Variants in NTRK3 observed in about 807,000 individuals in gnomAD.
NTRK3 encodes the protein neurotrophic receptor tyrosine kinase 3.
NTRK3 carries 24 observed loss-of-function variants against 91.7 expected under a neutral mutation model. The ratio of observed to expected loss-of-function variants is 0.26; its 90% confidence interval spans 0.19 to 0.37. The LOEUF is 0.37. Ranked by LOEUF, NTRK3 falls within the 10% of genes least tolerant of loss-of-function variation. The pLI is 1.00. For missense variants in NTRK3, 880 were observed against 1,068.9 expected, an observed-to-expected ratio of 0.82 and a Z score of 2.46; for synonymous variants, 483 against 404.0, an observed-to-expected ratio of 1.20 and a Z score of -2.34.
intron 14 of NTRK3, among the ~76,000 whole-genome samples, chr15:87,986,860 T>C (rs1219929350): frequency 6.6e-6 from 1 of 152,248 alleles, no homozygotes; most frequent in Non-Finnish European, 1.5e-5. Context: ...TCTCTGCTGC[T>C]ACCACTAAAC....
At chr15:88,064,219 A>G (rs1245465144) in intron 13 of NTRK3, among the ~76,000 whole-genome samples, 1 of 152,258 alleles carries the variant, frequency 6.6e-6, no homozygotes, top group Non-Finnish European at 1.5e-5. Context: ...TGGCAGGAGC[A>G]TGGCTCTGCT....
chr15:87,916,354 T>A, intron 17 of NTRK3: 1 of 433,286 alleles, frequency 2.3e-6, no homozygotes, highest in Non-Finnish European at 4.1e-6. Context: ...GAAAAGGAGA[T>A]CCTGTTATGA....
intron 13 of NTRK3, among the ~76,000 whole-genome samples, chr15:88,072,004 C>CTTT (rs374364707): frequency 3.8e-5 from 5 of 132,648 alleles, no homozygotes; most frequent in Admixed American, 7.7e-5. Context: ...AATCAAACAT[C>CTTT]TTTTTTTTTT....
rs2067032797 is a variant in NTRK3 at position 87,910,613 on chromosome 15, A to G, written c.2133+18578T>C. Among the ~76,000 whole-genome samples the G allele has an allele frequency of 2.0e-5, 3 of 152,362 alleles. No homozygotes were observed. The South Asian group carries it at 6.2e-4, about 32-fold the overall frequency. On this transcript the variant is annotated intron_variant, in intron 17 of 18. Transcript: ENST00000394480. ...TTTCAAACAGATTCTGTGTAAAAGT[A>G]AAAAGGGGTTATAACCATGTGAGTG...
intron 13 of NTRK3, among the ~76,000 whole-genome samples, chr15:88,071,280 A>T (rs1277552313): frequency 6.6e-6 from 1 of 152,248 alleles, no homozygotes; most frequent in African/African-American, 2.4e-5. Flanking sequence ...TGCAGGGAGC[A>T]GCCTGGCTGG....
chr15:87,966,665 C>A (rs72756147), intron 14 of NTRK3, among the ~76,000 whole-genome samples: 6,240 of 152,258 alleles, frequency 0.041, 180 homozygotes, highest in Middle Eastern at 0.12. Flanking sequence ...AATGAAGAGA[C>A]CCGCATGTGT....
chr15:88,062,757 A>ATTATCATT (rs2142508750), intron 13 of NTRK3, among the ~76,000 whole-genome samples: 1 of 152,356 alleles, frequency 6.6e-6, no homozygotes, highest in Admixed American at 6.5e-5. Flanking sequence ...TTCTATCTTT[A>ATTATCATT]TTATCATTTC....
chr15:87,992,900 A>G (rs2075398878), intron 14 of NTRK3, among the ~76,000 whole-genome samples: 1 of 152,198 alleles, frequency 6.6e-6, no homozygotes, highest in Non-Finnish European at 1.5e-5. Context: ...ATTTCAGACA[A>G]TTGAAGTCTT....
chr15:88,245,789 G>T (rs1343171760), intron 3 of NTRK3, among the ~76,000 whole-genome samples: 1 of 152,144 alleles, frequency 6.6e-6, no homozygotes, highest in Admixed American at 6.5e-5. Flanking sequence ...GGATCAACAA[G>T]GTCAAGTAGC....
At chr15:88,256,043 G>A in exon 3 of NTRK3, 2 of 1,613,664 alleles carry the variant, frequency 1.2e-6, no homozygotes, top group South Asian at 2.2e-5. Context: ...TCTTGCTGCA[G>A]ACACAATTTG....
chr15:88,008,782 C>T (rs914881058), intron 14 of NTRK3, among the ~76,000 whole-genome samples: 104 of 152,220 alleles, frequency 6.8e-4, no homozygotes, highest in African/African-American at 2.4e-3. Flanking sequence ...AAAGGCATAT[C>T]AATTACTGAA....
At chr15:87,944,946 G>A (rs1596344731) in intron 14 of NTRK3, among the ~76,000 whole-genome samples, 1 of 152,342 alleles carries the variant, frequency 6.6e-6, no homozygotes, top group South Asian at 2.1e-4. Context: ...GCTGCCTCTG[G>A]TGAAGCTATC....
intron 13 of NTRK3, among the ~76,000 whole-genome samples, chr15:88,089,132 G>A (rs1039337044): frequency 2.0e-5 from 3 of 150,804 alleles, no homozygotes; most frequent in African/African-American, 4.9e-5. Flanking sequence ...TGTCCTTAGT[G>A]TGGTATGACG....
At chr15:88,159,917 G>C (rs544495354) in intron 5 of NTRK3, among the ~76,000 whole-genome samples, 78 of 134,830 alleles carry the variant, frequency 5.8e-4, no homozygotes, top group Non-Finnish European at 1.1e-3. Context: ...AGATGAATCT[G>C]TGCCTCCCCA....
At chr15:88,251,175 G>T (rs2053309743) in intron 3 of NTRK3, among the ~76,000 whole-genome samples, 2 of 152,212 alleles carry the variant, frequency 1.3e-5, no homozygotes, top group Non-Finnish European at 2.9e-5. Context: ...GTTTGCTAGA[G>T]GTGGGAAGGG....
At chr15:87,939,760 C>T (rs905714554) in intron 15 of NTRK3, among the ~76,000 whole-genome samples, 12 of 152,216 alleles carry the variant, frequency 7.9e-5, no homozygotes, top group Admixed American at 7.9e-4. Context: ...CCACTCCAGA[C>T]TCCAGAGAAG....
intron 14 of NTRK3, chr15:87,977,734 G>C (rs2073849242): frequency 4.3e-6 from 1 of 231,744 alleles, no homozygotes; most frequent in Non-Finnish European, 8.5e-6. Context: ...TGATACTCTG[G>C]AGGCTGCCCC....
intron 14 of NTRK3, among the ~76,000 whole-genome samples, chr15:87,999,191 T>C (rs1052941730): frequency 6.6e-6 from 1 of 152,190 alleles, no homozygotes; most frequent in South Asian, 2.1e-4. Context: ...GGTGCACTGT[T>C]AGATCTACTG....
intron 10 of NTRK3, 111 bp downstream of exon 10, chr15:88,134,990 A>C: frequency 7.7e-7 from 1 of 1,301,522 alleles, no homozygotes; most frequent in Non-Finnish European, 1.1e-6. Context: ...TTTGTTGCCC[A>C]TGATAACAGT....
Sources: gnomAD v4.1 joint callset for allele counts (sites outside exome capture counted in the v4.1 genomes callset) on GRCh38, gnomAD v4.1.1 for gene constraint, MANE v1.5 for transcripts, NCBI Gene and HGNC (gene_info 2026-07-23, HGNC 2026-07-21) for gene names.